Variants in SASH1 observed in about 807,000 individuals in gnomAD.
SASH1 encodes the protein SAM and SH3 domain containing 1, also known as SAM and SH3 domain-containing protein 1.
In SASH1, 44 loss-of-function variants were observed where a neutral mutation model predicts 125.2. The ratio of observed to expected loss-of-function variants is 0.35; its 90% confidence interval spans 0.28 to 0.45. The LOEUF is 0.45. Ranked by LOEUF, SASH1 falls within the 20% of genes least tolerant of loss-of-function variation. The probability of loss-of-function intolerance (pLI) is 1.00; values close to 1 mark genes in which losing one functional copy is unlikely to be tolerated. For missense variants in SASH1, 1,426 were observed against 1,614.5 expected (o/e 0.88, Z 2.00); for synonymous variants, 639 against 649.1 (o/e 0.98, Z 0.24).
chr6:148,537,832 G>GTGTGTGTGTGTGTGT (rs1269680437), intron 16 of SASH1, among the ~76,000 whole-genome samples: 2 of 141,452 alleles, frequency 1.4e-5, no homozygotes, highest in African/African-American at 2.6e-5. Context: ...GTGTGTGTGT[G>GTGTGTGTGTGTGTGT]GTTGGTGAGG....
chr6:148,343,280 A>G, intron 1 of SASH1, 57 bp downstream of exon 1: 2 of 1,501,446 alleles, frequency 1.3e-6, no homozygotes. Flanking sequence ...AGCCCCTCTG[A>G]AACCGGGGGC....
At chr6:148,457,600 G>T (rs953144654) in intron 4 of SASH1, among the ~76,000 whole-genome samples, 5 of 152,198 alleles carry the variant, frequency 3.3e-5, no homozygotes, top group Admixed American at 6.5e-5. Flanking sequence ...AATACGATGA[G>T]ATTTATGAAT....
chr6:148,277,117 T>C (rs1163529489), intron 1 of SASH1, among the ~76,000 whole-genome samples: 1 of 152,150 alleles, frequency 6.6e-6, no homozygotes, highest in African/African-American at 2.4e-5. Flanking sequence ...AACTAGGATA[T>C]ATGGGAGCCA....
chr6:148,407,005 G>A (rs1047355490), intron 2 of SASH1, among the ~76,000 whole-genome samples: 3 of 152,216 alleles, frequency 2.0e-5, no homozygotes, highest in African/African-American at 4.8e-5. Flanking sequence ...ATAGAGGAGG[G>A]TGGAACTTTT....
chr6:148,330,827 C>A (rs1369614006), intron 1 of SASH1, among the ~76,000 whole-genome samples: 1 of 152,184 alleles, frequency 6.6e-6, no homozygotes, highest in Non-Finnish European at 1.5e-5. Context: ...CTCAGGTGAT[C>A]TGCCAGCCTC....
Position 148,474,070 on chromosome 6 carries a change from C to G in SASH1, c.515-40C>G, listed in dbSNP as rs754833754. 4 of 1,339,430 alleles carry G rather than the reference C, an allele frequency of 3.0e-6. No homozygotes were observed. The African/African-American group carries it at 5.8e-5, about 19-fold the overall frequency. The allele number at this position is 1,339,430 out of a possible 1,614,324, so 83.0% of individuals were successfully genotyped here. On this transcript the variant is annotated intron_variant, in intron 6 of 19. Transcript: ENST00000367467. ...CGCATTGACGTTCTGTTTCGCCATTCTTGTTTTCACTCCTGTTGTTCTTTG... is the reference window on the plus strand; with the variant it reads ...CGCATTGACGTTCTGTTTCGCCATTGTTGTTTTCACTCCTGTTGTTCTTTG...
chr6:148,414,275 G>A (rs1300635809), intron 2 of SASH1, among the ~76,000 whole-genome samples: 7 of 151,992 alleles, frequency 4.6e-5, no homozygotes, highest in Admixed American at 4.6e-4. Flanking sequence ...ATATTCATGT[G>A]GACACTTTTG....
At chr6:148,377,817 C>G (rs1393761715) in intron 1 of SASH1, among the ~76,000 whole-genome samples, 1 of 152,134 alleles carries the variant, frequency 6.6e-6, no homozygotes, top group Non-Finnish European at 1.5e-5. Context: ...GGAGTGAGGA[C>G]TTCTATTTCA....
intron 10 of SASH1, among the ~76,000 whole-genome samples, chr6:148,524,139 G>T (rs1780992571): frequency 8.1e-6 from 1 of 122,932 alleles, no homozygotes; most frequent in African/African-American, 2.8e-5. Flanking sequence ...TAATGAATAA[G>T]CAATGCTTAT....
chr6:148,525,134 C>G, intron 10 of SASH1, 157 bp from the exon 11 acceptor site: 1 of 640,192 alleles, frequency 1.6e-6, no homozygotes, highest in Admixed American at 2.5e-5. Context: ...CGACATGACT[C>G]ATGTGTTTTT....
chr6:148,266,892 T>A, the SASH1 span, among the ~76,000 whole-genome samples: 1 of 152,110 alleles, frequency 6.6e-6, no homozygotes, highest in Non-Finnish European at 1.5e-5. Flanking sequence ...ATTACAAGTG[T>A]AAGCCACCAT....
At chr6:148,354,617 A>T (rs1179629114) in intron 1 of SASH1, among the ~76,000 whole-genome samples, 1 of 152,174 alleles carries the variant, frequency 6.6e-6, no homozygotes, top group Non-Finnish European at 1.5e-5. Context: ...TCAAGAATTT[A>T]TAAAGCCATC....
At chr6:148,246,203 A>C in the SASH1 span, among the ~76,000 whole-genome samples, 12 of 152,256 alleles carry the variant, frequency 7.9e-5, no homozygotes, top group South Asian at 1.4e-3. Flanking sequence ...AGAACAGTGG[A>C]TTCAGAAACA....
chr6:148,217,368 T>C, the SASH1 span, among the ~76,000 whole-genome samples: 1 of 152,230 alleles, frequency 6.6e-6, no homozygotes, highest in African/African-American at 2.4e-5. Flanking sequence ...CTGTTTGGCA[T>C]GTGCTGCGTA....
At chr6:148,230,733 G>A in the SASH1 span, among the ~76,000 whole-genome samples, 1 of 152,082 alleles carries the variant, frequency 6.6e-6, no homozygotes, top group East Asian at 1.9e-4. Flanking sequence ...TCTCATTGTG[G>A]TTTTGATTTG....
chr6:148,301,679 A>G (rs1779949017), intron 1 of SASH1, among the ~76,000 whole-genome samples: 1 of 151,554 alleles, frequency 6.6e-6, no homozygotes. Context: ...CCCAGGCTGA[A>G]GCATTCCTTT....
intron 1 of SASH1, among the ~76,000 whole-genome samples, chr6:148,309,924 G>A (rs533524390): frequency 6.6e-6 from 1 of 152,280 alleles, no homozygotes; most frequent in South Asian, 2.1e-4. Context: ...GACATATGAT[G>A]TTCAAGGCAC....
chr6:148,305,623 C>CAAAA (rs59521298), intron 1 of SASH1, among the ~76,000 whole-genome samples: 4,951 of 102,802 alleles, frequency 0.048, 113 homozygotes, highest in Admixed American at 0.073. Flanking sequence ...GACTCTGACT[C>CAAAA]AAAAAAAAAA....
chr6:148,406,412 GA>G (rs760416288), intron 2 of SASH1, among the ~76,000 whole-genome samples: 44 of 152,300 alleles, frequency 2.9e-4, no homozygotes, highest in Non-Finnish European at 4.3e-4. Context: ...TGCATTATGT[GA>G]AATAGTGTTA....
Sources: allele counts gnomAD v4.1 joint callset (sites outside exome capture counted in the v4.1 genomes callset), GRCh38; gene constraint gnomAD v4.1.1; transcripts MANE v1.5; gene names NCBI Gene and HGNC (gene_info 2026-07-23, HGNC 2026-07-21).